Variants in SGPP2 observed in about 807,000 individuals in gnomAD.
SGPP2 encodes the protein sphingosine-1-phosphate phosphatase 2.
A neutral mutation model predicts 33.9 loss-of-function variants in SGPP2; 30 were observed. That is an observed-to-expected ratio of 0.89 (90% CI 0.66 to 1.20). The LOEUF is 1.20. Ranked by LOEUF, SGPP2 falls within the 50% of genes most tolerant of loss-of-function variation. The pLI, the probability that SGPP2 is intolerant of heterozygous loss-of-function variation, is 0.00. For missense variants in SGPP2, 458 were observed against 532.1 expected, an observed-to-expected ratio of 0.86 and a Z score of 1.37; for synonymous variants, 233 against 225.0, an observed-to-expected ratio of 1.04 and a Z score of -0.32.
intron 2 of SGPP2, among the ~76,000 whole-genome samples, chr2:222,478,236 T>G (rs917368729): frequency 3.3e-5 from 5 of 150,554 alleles, no homozygotes; most frequent in African/African-American, 1.2e-4. Context: ...TGCTTGCGTG[T>G]GTTTGTGCAT....
intron 1 of SGPP2, among the ~76,000 whole-genome samples, chr2:222,437,453 T>G (rs1281093481): frequency 6.6e-6 from 1 of 152,202 alleles, no homozygotes; most frequent in Non-Finnish European, 1.5e-5. Flanking sequence ...CAGAACCATC[T>G]GTGAACCAGG....
Position 222,518,439 on chromosome 2 carries a change from G to A in SGPP2, c.379-3328G>A, listed in dbSNP as rs540451305. Among the ~76,000 whole-genome samples, 17 of 152,288 alleles carry A rather than the reference G, an allele frequency of 1.1e-4. No homozygotes were observed. The East Asian group carries it at 1.9e-3, about 17-fold the overall frequency. On this transcript the variant is annotated intron_variant, in intron 2 of 4. Coordinates refer to ENST00000321276, the MANE Select transcript of SGPP2 (RefSeq NM_152386.4). ...TTTTTACCCTTATCCTCTCTGTTAG[G>A]ATGTGAGGATTTTAAGTATTTTTGA...
chr2:222,459,302 A>G (rs1331068504), intron 1 of SGPP2, among the ~76,000 whole-genome samples: 1 of 151,506 alleles, frequency 6.6e-6, no homozygotes, highest in Non-Finnish European at 1.5e-5. Flanking sequence ...ACATGCCACC[A>G]CACCTGGCTA....
At chr2:222,466,120 C>T (rs896964710) in intron 1 of SGPP2, among the ~76,000 whole-genome samples, 1 of 152,006 alleles carries the variant, frequency 6.6e-6, no homozygotes, top group South Asian at 2.1e-4. Flanking sequence ...ATAGTGAGAC[C>T]ATATCTCTAC....
At chr2:222,457,932 A>G (rs1697596170) in intron 1 of SGPP2, among the ~76,000 whole-genome samples, 1 of 152,252 alleles carries the variant, frequency 6.6e-6, no homozygotes, top group Non-Finnish European at 1.5e-5. Flanking sequence ...TTCATAGGGA[A>G]GGACATGGCT....
chr2:222,558,291 C>T, intron 4 of SGPP2, 56 bp from the exon 5 acceptor site: 6 of 1,547,862 alleles, frequency 3.9e-6, no homozygotes, highest in Non-Finnish European at 3.5e-6. Flanking sequence ...CAAATTATAC[C>T]TGTATACAAG....
intron 1 of SGPP2, among the ~76,000 whole-genome samples, chr2:222,432,274 C>T (rs1363411962): frequency 6.6e-6 from 1 of 152,224 alleles, no homozygotes; most frequent in African/African-American, 2.4e-5. Flanking sequence ...GTAGGACTCA[C>T]ATGAAATCAA....
intron 1 of SGPP2, among the ~76,000 whole-genome samples, chr2:222,427,380 C>T (rs572639499): frequency 3.9e-5 from 6 of 152,266 alleles, no homozygotes; most frequent in African/African-American, 1.4e-4. Context: ...CCTGCCTCAG[C>T]CTCCTGTGTA....
rs182835715 is a variant in SGPP2, at chr2:222,515,493, T to G, written c.379-6274T>G. Among the ~76,000 whole-genome samples, 478 of 152,026 alleles carry G rather than the reference T, an allele frequency of 3.1e-3. 3 individuals are homozygous for G. Among genetic ancestry groups the G allele is most frequent in the African/African-American group, 0.011 (464 of 41,498 alleles). The stretch of plus-strand genomic sequence containing the variant: ...ACAGGCACCCACCACCACACCCAGC[T>G]AATTTTTGTATTTTTAGTAGAGACG... On this transcript the variant is annotated intron_variant, in intron 2 of 4. Transcript: ENST00000321276.
chr2:222,442,554 A>C (rs1293776529), intron 1 of SGPP2, among the ~76,000 whole-genome samples: 1 of 152,168 alleles, frequency 6.6e-6, no homozygotes, highest in African/African-American at 2.4e-5. Context: ...TGTGTAATTC[A>C]TCTTCATGTC....
chr2:222,557,135 ACT>A (rs540227470), intron 4 of SGPP2, among the ~76,000 whole-genome samples: 1 of 151,246 alleles, frequency 6.6e-6, no homozygotes, highest in African/African-American at 2.4e-5. Context: ...GCCTGTGTTC[ACT>A]CTCTCTCTCC....
At chr2:222,514,870 G>T (rs1306725030) in intron 2 of SGPP2, among the ~76,000 whole-genome samples, 1 of 152,048 alleles carries the variant, frequency 6.6e-6, no homozygotes, top group East Asian at 1.9e-4. Context: ...AGGACCAGGG[G>T]CTGAGCCCTT....
chr2:222,549,868 C>A (rs1689261536), intron 4 of SGPP2, among the ~76,000 whole-genome samples: 2 of 148,072 alleles, frequency 1.4e-5, no homozygotes, highest in African/African-American at 5.0e-5. Flanking sequence ...TATGCTTTTT[C>A]TTTTCTTTTC....
At chr2:222,450,608 G>GA (rs2106075143) in intron 1 of SGPP2, among the ~76,000 whole-genome samples, 1 of 152,288 alleles carries the variant, frequency 6.6e-6, no homozygotes, top group Non-Finnish European at 1.5e-5. Context: ...GGTGTGAATC[G>GA]AATTGCTTAC....
At chr2:222,424,073 A>G (rs1438259778), upstream of SGPP2, among the ~76,000 whole-genome samples, 1 of 152,166 alleles carries the variant, frequency 6.6e-6, no homozygotes, top group East Asian at 1.9e-4. Context: ...CTAGTCTTGC[A>G]GGAAGGTGAG....
chr2:222,432,533 A>T (rs1697171982), intron 1 of SGPP2, among the ~76,000 whole-genome samples: 3 of 152,344 alleles, frequency 2.0e-5, no homozygotes, highest in Admixed American at 2.0e-4. Context: ...AATTAAGATC[A>T]TGCATATTGT....
At chr2:222,455,354 T>C (rs926761123) in intron 1 of SGPP2, among the ~76,000 whole-genome samples, 2 of 152,070 alleles carry the variant, frequency 1.3e-5, no homozygotes, top group Non-Finnish European at 2.9e-5. Context: ...GGAGATGGAA[T>C]CTCAGAGATG....
intron 1 of SGPP2, among the ~76,000 whole-genome samples, chr2:222,462,463 A>G (rs1574843037): frequency 1.3e-5 from 2 of 152,166 alleles, no homozygotes; most frequent in African/African-American, 4.8e-5. Context: ...CAGCTGTTGG[A>G]TCTGCTGTGA....
intron 2 of SGPP2, among the ~76,000 whole-genome samples, chr2:222,500,397 G>A (rs774326471): frequency 1.3e-5 from 2 of 152,154 alleles, no homozygotes; most frequent in African/African-American, 2.4e-5. Context: ...GAGTAAGTGG[G>A]GGTATTGTTA....
Sources: allele counts gnomAD v4.1 joint callset (sites outside exome capture counted in the v4.1 genomes callset), GRCh38; gene constraint gnomAD v4.1.1; transcripts MANE v1.5; gene names NCBI Gene and HGNC (gene_info 2026-07-23, HGNC 2026-07-21).